Variants in TTC7A observed in about 807,000 individuals in gnomAD.
The protein encoded by TTC7A is tetratricopeptide repeat protein 7A.
In TTC7A, 110 loss-of-function variants were observed where a neutral mutation model predicts 103.7. The ratio of observed to expected loss-of-function variants is 1.06; its 90% CI spans 0.91 to 1.24. TTC7A has a LOEUF of 1.24. Ranked by LOEUF, TTC7A falls within the 50% of genes most tolerant of loss-of-function variation. The probability of loss-of-function intolerance (pLI) is 0.00; values close to 1 mark genes in which losing one functional copy is unlikely to be tolerated. For missense variants in TTC7A, 1,340 were observed against 1,116.3 expected (o/e 1.20, Z -2.86); for synonymous variants, 521 against 467.9 (o/e 1.11, Z -1.47).
intron 5 of TTC7A, among the ~76,000 whole-genome samples, chr2:46,983,452 T>C (rs1238560106): frequency 1.3e-5 from 2 of 152,242 alleles, no homozygotes; most frequent in Non-Finnish European, 2.9e-5. Flanking sequence ...CCACGGCTGC[T>C]GCTTGGAGCG....
chr2:47,073,097 C>G (rs1283391149), intron 19 of TTC7A, among the ~76,000 whole-genome samples: 4 of 152,198 alleles, frequency 2.6e-5, no homozygotes, highest in African/African-American at 9.7e-5. Context: ...TCCCATGACC[C>G]TCTCCTGAGG....
intron 7 of TTC7A, among the ~76,000 whole-genome samples, chr2:46,994,825 G>A (rs1204603152): frequency 2.0e-5 from 3 of 152,202 alleles, no homozygotes; most frequent in Non-Finnish European, 4.4e-5. Context: ...GCGGTCTGTA[G>A]CCAACCAGCA....
At chr2:46,976,647 G>A (rs1673909045) in intron 4 of TTC7A, among the ~76,000 whole-genome samples, 1 of 152,208 alleles carries the variant, frequency 6.6e-6, no homozygotes. Flanking sequence ...GACATTTGGG[G>A]CTGGAGAATT....
At chr2:46,970,924 G>A (rs1173302265) in intron 3 of TTC7A, among the ~76,000 whole-genome samples, 1 of 152,242 alleles carries the variant, frequency 6.6e-6, no homozygotes, top group Non-Finnish European at 1.5e-5. Flanking sequence ...CCAGGCCAAG[G>A]CAACCGAACT....
At chr2:46,937,942 G>C (rs1435020417), upstream of TTC7A, among the ~76,000 whole-genome samples, 1 of 152,138 alleles carries the variant, frequency 6.6e-6, no homozygotes, top group Non-Finnish European at 1.5e-5. The surrounding 1 kb of genome is among the most constrained non-coding windows in gnomAD (Gnocchi z 4.0). Context: ...ATGTAAAAGA[G>C]AGAAGTCTGA....
In TTC7A at chr2:47,000,597, C is replaced by T. The variant is rs1009634749; in HGVS notation, c.1066-5325C>T. On this transcript the variant is annotated intron_variant, in intron 8 of 19. Coordinates refer to ENST00000319190, the MANE Select transcript of TTC7A (RefSeq NM_020458.4). ...TTCTTGGCTCTGTGGACTGGCAGCT[C>T]GAGAGCCAGTGGTAATTATGTCTGC... 3.9e-5 allele frequency among the ~76,000 whole-genome samples: 6 copies of T among 152,226 alleles called. No homozygotes were observed. In the East Asian group the frequency reaches 7.7e-4, roughly 20 times the overall value.
Position 47,050,041 on chromosome 2 carries a change from ACT to A in TTC7A, c.2015_2016del (p.Ser672TrpfsTer47). The A allele has an allele frequency of 1.2e-6, 2 of 1,613,520 alleles. No homozygotes were observed. The highest frequency in any genetic ancestry group is 1.7e-6 in the Non-Finnish European group (2 of 1,179,610). ...ACTTTGCCTGATGCCCATGATGCAG[ACT>A]CTGGTAAGAACGAGCTCCTTGGGCC... is the stretch of plus-strand genomic sequence containing the variant. On this transcript the variant is annotated frameshift_variant, in exon 17 of 20. Coordinates refer to ENST00000319190, the MANE Select transcript of TTC7A (RefSeq NM_020458.4). LOFTEE classifies it high-confidence loss of function.
intron 3 of TTC7A, among the ~76,000 whole-genome samples, chr2:46,965,004 T>G (rs1195551273): frequency 6.6e-6 from 1 of 152,218 alleles, no homozygotes; most frequent in Non-Finnish European, 1.5e-5. Context: ...AGGGAGGTCC[T>G]GATGCCCTGA....
At chr2:46,943,993 G>C (rs1035867736) in intron 1 of TTC7A, among the ~76,000 whole-genome samples, 22 of 152,178 alleles carry the variant, frequency 1.4e-4, no homozygotes, top group African/African-American at 4.8e-4. Flanking sequence ...GAGATACTTA[G>C]CAGAGTAGGC....
chr2:46,915,951 G>C, upstream of TTC7A: 1 of 985,434 alleles, frequency 1.0e-6, no homozygotes, highest in Non-Finnish European at 1.2e-6. Flanking sequence ...CCCGGGCCCA[G>C]CACTGGCGGG....
chr2:46,977,284 C>T (rs1673974718), intron 4 of TTC7A, among the ~76,000 whole-genome samples: 1 of 152,226 alleles, frequency 6.6e-6, no homozygotes, highest in Non-Finnish European at 1.5e-5. Flanking sequence ...TGTGCATCCT[C>T]AGAAATACTG....
rs1188814725 is a variant in TTC7A, at chr2:47,024,364, G to A, written c.1641+5G>A. 3.7e-6 allele frequency: 6 copies of A among 1,604,332 alleles called. No individual in the cohort carries two copies. Among genetic ancestry groups the A allele is most frequent in the Non-Finnish European group, 5.1e-6 (6 of 1,175,648 alleles). On this transcript the variant is annotated splice_donor_5th_base_variant and intron_variant, in intron 14 of 19. Transcript: ENST00000319190. ...CAGCTGGCCCTCGTCCGACAGGTGG[G>A]TTGTCCGTGTTCCTAACCCCCGGGT...
chr2:47,032,528 A>C (rs1680664871), intron 15 of TTC7A, among the ~76,000 whole-genome samples: 1 of 152,162 alleles, frequency 6.6e-6, no homozygotes. Flanking sequence ...AGGTCAGAGC[A>C]GACTTTCGTT....
intron 8 of TTC7A, among the ~76,000 whole-genome samples, chr2:47,003,188 T>TGAGAAG (rs1558562635): frequency 6.6e-6 from 1 of 152,044 alleles, no homozygotes; most frequent in Non-Finnish European, 1.5e-5. Flanking sequence ...TGTCACACCC[T>TGAGAAG]GCAGGTTGAG....
intron 18 of TTC7A, 146 bp from the exon 19 acceptor site, chr2:47,060,623 A>G (rs1423420341): frequency 2.3e-5 from 16 of 683,008 alleles, no homozygotes. Flanking sequence ...ACTACATCCT[A>G]TAGTCAGTGT....
upstream of TTC7A, among the ~76,000 whole-genome samples, chr2:46,940,501 C>G (rs575500388): frequency 2.0e-5 from 3 of 152,296 alleles, no homozygotes; most frequent in African/African-American, 4.8e-5. The surrounding 1 kb of genome is among the most constrained non-coding windows in gnomAD (Gnocchi z 4.7). Context: ...CCCCACAGCC[C>G]TGGGCTAAAC....
intron 15 of TTC7A, 121 bp from the exon 16 acceptor site, chr2:47,046,194 G>C: frequency 2.7e-6 from 2 of 745,354 alleles, no homozygotes. Flanking sequence ...CTGCCCTCAT[G>C]GCACTCTGCT....
At position 46,956,626 on chromosome 2, in the gene TTC7A, T is replaced by C. The variant is rs535437211; in HGVS notation, c.349-213T>C. On this transcript the variant is annotated intron_variant, in intron 2 of 19. Coordinates refer to ENST00000319190, the MANE Select transcript of TTC7A (RefSeq NM_020458.4). The stretch of plus-strand genomic sequence containing the variant: ...CACACATGAAACAATTAGGGACTCA[T>C]AGGAGAATTTTATTGAGAACCACAA... 141 of 579,096 alleles carry C rather than the reference T, an allele frequency of 2.4e-4. No individual in the cohort carries two copies. The African/African-American group carries it at 2.5e-3, about 10-fold the overall frequency. 35.9% of individuals were successfully genotyped at this position (579,096 alleles called of 1,614,324 possible).
chr2:47,044,208 C>T (rs905657617), intron 15 of TTC7A, among the ~76,000 whole-genome samples: 3 of 152,246 alleles, frequency 2.0e-5, no homozygotes, highest in Admixed American at 6.5e-5. Context: ...TTTCACCAAA[C>T]ACCAGCTCCA....
Sources: gnomAD v4.1 joint callset for allele counts (sites outside exome capture counted in the v4.1 genomes callset) on GRCh38, gnomAD v4.1.1 for gene constraint, Gnocchi (gnomAD v3.1) non-coding constraint, MANE v1.5 for transcripts, NCBI Gene and HGNC (gene_info 2026-07-23, HGNC 2026-07-21) for gene names.